Variants in EYA1 observed in about 807,000 individuals in gnomAD.
EYA1 encodes EYA transcriptional coactivator and phosphatase 1.
In EYA1, 16 loss-of-function variants were observed where a neutral mutation model predicts 82.0. The observed-to-expected ratio is 0.20, with a 90% CI of 0.13 to 0.30. EYA1 has a LOEUF of 0.30. EYA1 is among the 10% of genes least tolerant of loss of function. EYA1 has a pLI of 1.00. For synonymous variants in EYA1, 261 were observed against 264.4 expected (o/e 0.99, Z 0.12); for missense variants, 633 against 730.7 (o/e 0.87, Z 1.54).
chr8:71,217,479 C>T (rs945883706), intron 12 of EYA1, among the ~76,000 whole-genome samples: 5 of 152,174 alleles, frequency 3.3e-5, no homozygotes, highest in Non-Finnish European at 7.3e-5. Context: ...CACACACCAA[C>T]ACAGCCTGAG....
chr8:71,213,026 C>A (rs1217890082), intron 16 of EYA1, among the ~76,000 whole-genome samples: 1 of 152,036 alleles, frequency 6.6e-6, no homozygotes, highest in Non-Finnish European at 1.5e-5. Context: ...TGAGATGGTG[C>A]CACTGTACTC....
chr8:71,450,291 TAA>T (rs1807253940), intron 2 of EYA1, among the ~76,000 whole-genome samples: 1 of 152,200 alleles, frequency 6.6e-6, no homozygotes, highest in Admixed American at 6.5e-5. Flanking sequence ...AGCTTTTGAC[TAA>T]AAGTGAAAGG....
At chr8:71,201,882 C>T (rs542850361) in intron 17 of EYA1, among the ~76,000 whole-genome samples, 1 of 152,068 alleles carries the variant, frequency 6.6e-6, no homozygotes, top group Admixed American at 6.5e-5. Flanking sequence ...TTAGGTTTGC[C>T]AATCATTATT....
chr8:71,377,520 C>T (rs1828444697), intron 2 of EYA1, among the ~76,000 whole-genome samples: 1 of 152,180 alleles, frequency 6.6e-6, no homozygotes, highest in African/African-American at 2.4e-5. Context: ...ATTATCAAAA[C>T]CAATGGACAC....
At chr8:71,207,736 C>CTGAT (rs1441281275) in intron 17 of EYA1, among the ~76,000 whole-genome samples, 3 of 151,602 alleles carry the variant, frequency 2.0e-5, no homozygotes, top group African/African-American at 7.3e-5. Flanking sequence ...TCTGTAATTG[C>CTGAT]TGATTGGTTG....
chr8:71,325,092 C>T (rs1823004964), intron 4 of EYA1, among the ~76,000 whole-genome samples: 1 of 152,160 alleles, frequency 6.6e-6, no homozygotes, highest in East Asian at 1.9e-4. Flanking sequence ...TTCCAAATTC[C>T]TTGGCACAGA....
rs1353972449 is a variant in EYA1, at chr8:71,407,755, C to T, written c.34-51244G>A. ...CCAAATCTACATCTGATTGGTGTAC[C>T]TGAAAGTGATGCGGAGAATGGAACC... On this transcript the variant is annotated intron_variant, in intron 2 of 18. Transcript: ENST00000643681. Among the ~76,000 whole-genome samples the T allele has an allele frequency of 1.2e-4, 16 of 134,690 alleles. No homozygotes were observed. In the South Asian group the frequency reaches 3.9e-3, roughly 33 times the overall value. 88.4% of individuals were successfully genotyped at this position (134,690 alleles called of 152,430 possible).
At chr8:71,244,910 T>TA (rs1326394674) in intron 11 of EYA1, among the ~76,000 whole-genome samples, 1 of 152,224 alleles carries the variant, frequency 6.6e-6, no homozygotes, top group Non-Finnish European at 1.5e-5. Flanking sequence ...GATGGTGCTT[T>TA]ACACACTGAA....
chr8:71,281,492 A>G (rs904871525), intron 9 of EYA1, among the ~76,000 whole-genome samples: 1 of 152,354 alleles, frequency 6.6e-6, no homozygotes, highest in Non-Finnish European at 1.5e-5. Flanking sequence ...CATCTCTGCT[A>G]ATCTGTGAAG....
At chr8:71,464,621 A>G (rs557166461) in intron 2 of EYA1, among the ~76,000 whole-genome samples, 1 of 152,358 alleles carries the variant, frequency 6.6e-6, no homozygotes, top group South Asian at 2.1e-4. Context: ...CACTACATTA[A>G]CAATTCTTTA....
chr8:71,538,870 A>G (rs1032029076), intron 1 of EYA1, among the ~76,000 whole-genome samples: 2 of 152,184 alleles, frequency 1.3e-5, no homozygotes, highest in Non-Finnish European at 2.9e-5. Context: ...GACAGGTGCC[A>G]TAAGTGTGGT....
chr8:71,206,964 C>T (rs2128820860), intron 17 of EYA1, among the ~76,000 whole-genome samples: 1 of 152,190 alleles, frequency 6.6e-6, no homozygotes, highest in Non-Finnish European at 1.5e-5. Context: ...CCATGTTGCC[C>T]CAACTGGTCT....
At chr8:71,356,666 A>G (rs1466732471) in intron 1 of EYA1, 155 bp from the exon 2 acceptor site, 4 of 1,340,938 alleles carry the variant, frequency 3.0e-6, no homozygotes, top group Non-Finnish European at 3.8e-6. Context: ...TATTGTCTTT[A>G]AGTTGAGGTC....
At chr8:71,442,559 G>A (rs1264157546) in intron 2 of EYA1, among the ~76,000 whole-genome samples, 1 of 152,090 alleles carries the variant, frequency 6.6e-6, no homozygotes, top group Admixed American at 6.6e-5. Flanking sequence ...CAGTTGTATT[G>A]ATTCTGAAAG....
intron 2 of EYA1, among the ~76,000 whole-genome samples, chr8:71,408,042 G>T (rs1330689083): frequency 6.6e-6 from 1 of 151,792 alleles, no homozygotes; most frequent in Admixed American, 6.6e-5. Context: ...AACCCTACAA[G>T]CCAGAAGAGA....
At chr8:71,228,122 T>C (rs1371583440) in intron 12 of EYA1, among the ~76,000 whole-genome samples, 1 of 152,106 alleles carries the variant, frequency 6.6e-6, no homozygotes, top group Non-Finnish European at 1.5e-5. Flanking sequence ...TAAAAAGCAG[T>C]TCCCTGTGAG....
chr8:71,518,473 CT>C (rs1172591964), intron 2 of EYA1, among the ~76,000 whole-genome samples: 1 of 152,142 alleles, frequency 6.6e-6, no homozygotes, highest in African/African-American at 2.4e-5. Flanking sequence ...TATTTTCTGT[CT>C]GTCATGTCTA....
chr8:71,319,819 C>A (rs1822333740), intron 6 of EYA1, among the ~76,000 whole-genome samples: 1 of 152,068 alleles, frequency 6.6e-6, no homozygotes, highest in Non-Finnish European at 1.5e-5. Context: ...GAGAAGGATG[C>A]CATATTTTTC....
chr8:71,350,745 C>T (rs966316226), intron 3 of EYA1, among the ~76,000 whole-genome samples: 2 of 152,094 alleles, frequency 1.3e-5, no homozygotes, highest in African/African-American at 4.8e-5. Context: ...TGGCCTTCCT[C>T]ACTCCTTACT....
Sources: gnomAD v4.1 joint callset for allele counts (sites outside exome capture counted in the v4.1 genomes callset) on GRCh38, gnomAD v4.1.1 for gene constraint, MANE v1.5 for transcripts, NCBI Gene and HGNC (gene_info 2026-07-23, HGNC 2026-07-21) for gene names.